PPAT: variants seen among roughly 807,000 people sequenced by gnomAD.
PPAT encodes phosphoribosyl pyrophosphate amidotransferase, also known as amidophosphoribosyltransferase.
PPAT carries 20 observed loss-of-function variants against 60.2 expected under a neutral mutation model. The ratio of observed to expected loss-of-function variants is 0.33; its 90% confidence interval spans 0.23 to 0.48. The LOEUF (loss-of-function observed/expected upper bound fraction) is 0.48, where lower values mean the gene tolerates loss of function less well. Ranked by LOEUF, PPAT falls within the 20% of genes least tolerant of loss-of-function variation. The pLI, the probability that PPAT is intolerant of heterozygous loss-of-function variation, is 0.99. For missense variants in PPAT, 349 were observed against 629.6 expected (o/e 0.55, Z 4.77); for synonymous variants, 194 against 215.1 (o/e 0.90, Z 0.86).
Position 56,435,612 on chromosome 4 carries a change from T to A in PPAT, c.-135A>T. 3.3e-6 allele frequency: 5 copies of A among 1,501,266 alleles called. No individual in the cohort carries two copies. Among genetic ancestry groups the A allele is most frequent in the Non-Finnish European group, 4.5e-6 (5 of 1,115,676 alleles). 93.0% of individuals were successfully genotyped at this position (1,501,266 alleles called of 1,614,324 possible). ...CTTCCTTCCCGAGGGTGGCCCCAGC[T>A]ACTGCGGCGGCGCGCGCTGTCCCTA... On this transcript the variant is annotated 5_prime_UTR_variant, in exon 1 of 11. Coordinates refer to ENST00000264220, the MANE Select transcript of PPAT (RefSeq NM_002703.5).
chr4:56,407,796 CA>C, intron 1 of PPAT, 80 bp from the exon 2 acceptor site: 1 of 1,104,378 alleles, frequency 9.1e-7, no homozygotes, highest in African/African-American at 1.5e-5. Context: ...CATACTTTCT[CA>C]ACAAGCATCC....
At chr4:56,411,690 T>C (rs1350469132) in intron 1 of PPAT, among the ~76,000 whole-genome samples, 2 of 152,198 alleles carry the variant, frequency 1.3e-5, no homozygotes, top group Non-Finnish European at 2.9e-5. Context: ...CCACTATCTG[T>C]GTGTACCATG....
At chr4:56,407,782 C>T in intron 1 of PPAT, 66 bp from the exon 2 acceptor site, 2 of 1,252,070 alleles carry the variant, frequency 1.6e-6, no homozygotes, top group Non-Finnish European at 2.3e-6. Flanking sequence ...AGAACTTTAT[C>T]AAGCATACTT....
chr4:56,430,138 A>C (rs13114104), intron 1 of PPAT, among the ~76,000 whole-genome samples: 104,141 of 151,972 alleles, frequency 0.69, 35,794 homozygotes, highest in South Asian at 0.76. Context: ...ATTACTTTTT[A>C]AAATCTATTT....
In PPAT at chr4:56,406,655, T is replaced by C; in HGVS notation, c.242A>G (p.Lys81Arg). 6.2e-7 allele frequency: 1 copy of C among 1,613,244 alleles called. No individual in the cohort carries two copies. The highest frequency in any genetic ancestry group is 8.5e-7 in the Non-Finnish European group (1 of 1,179,256). ...AATTCCAAGATTTGAAACATATAAT[T>C]TTTTCAAATTGTCTTCAGTAAAGAC... ...NHVFTEDNLK[K>R]LYVSNLGIGH... is the part of the protein sequence containing the mutation. Residue 81 changes from lysine to arginine, a missense_variant, in exon 3 of 11, where the codon AAA becomes AGA. Lys to Arg is a conservative substitution (Grantham distance 26). Around this residue, in one of 5 missense-constraint regions of PPAT, gnomAD observed 115 missense variants for 174.5 expected, o/e 0.66. Transcript: ENST00000264220.
At position 56,394,196 on chromosome 4, in the gene PPAT, G is replaced by T. The variant is rs1040063294; in HGVS notation, c.*1156C>A. On this transcript the variant is annotated 3_prime_UTR_variant, in exon 11 of 11. Coordinates refer to ENST00000264220, the MANE Select transcript of PPAT (RefSeq NM_002703.5). ...TTCAAAAAAGAAATCAAATTCATTA[G>T]ATCTTAATATAGTAGAAAAAAGTGA... 2.0e-5 allele frequency: 3 copies of T among 152,080 alleles called. No homozygotes were observed. 9.4% of individuals were successfully genotyped at this position (152,080 alleles called of 1,614,324 possible). A position where few individuals can be genotyped will look rare whatever the true frequency, so the allele number is the denominator to read the frequency against.
intron 1 of PPAT, chr4:56,410,542 G>C: frequency 1.0e-6 from 1 of 986,750 alleles, no homozygotes; most frequent in Non-Finnish European, 1.2e-6. Flanking sequence ...GAAAGCACTG[G>C]ACTGAGGAGG....
At position 56,395,150 on chromosome 4, in the gene PPAT, T is replaced by C; in HGVS notation, c.*202A>G. On this transcript the variant is annotated 3_prime_UTR_variant, in exon 11 of 11. Transcript: ENST00000264220. ...GTGTAAAAAAAAGAACACCACATATTGTTGTATTATATGCAATTGGAAATG... is the reference window on the plus strand; with the variant it reads ...GTGTAAAAAAAAGAACACCACATATCGTTGTATTATATGCAATTGGAAATG... 6.0e-6 allele frequency: 3 copies of C among 495,884 alleles called. No homozygotes were observed. Among genetic ancestry groups the C allele is most frequent in the Non-Finnish European group, 1.1e-5 (3 of 281,076 alleles). The allele number at this position is 495,884 out of a possible 1,614,324, so 30.7% of individuals were successfully genotyped here.
rs975059967 is a variant in PPAT at position 56,393,623 on chromosome 4, T to C, written c.*1729A>G. ...GGAGAAATATTAAGAATCTGTAGAA[T>C]TACTAAACTGTCACAGTATTATTTT... On this transcript the variant is annotated 3_prime_UTR_variant, in exon 11 of 11. Transcript: ENST00000264220. The C allele has an allele frequency of 3.3e-5, 5 of 152,630 alleles. No homozygotes were observed. The highest frequency in any genetic ancestry group is 5.9e-5 in the Non-Finnish European group (4 of 68,042). The allele number at this position is 152,630 out of a possible 1,614,324, so 9.5% of individuals were successfully genotyped here.
At chr4:56,419,154 T>C (rs114924036) in intron 1 of PPAT, among the ~76,000 whole-genome samples, 2,088 of 152,226 alleles carry the variant, frequency 0.014, 52 homozygotes, top group African/African-American at 0.047. Flanking sequence ...TAGACTGATA[T>C]ATAGCCAAAG....
intron 1 of PPAT, among the ~76,000 whole-genome samples, chr4:56,409,173 T>C (rs1716339942): frequency 1.3e-5 from 2 of 152,200 alleles, no homozygotes; most frequent in South Asian, 2.1e-4. Flanking sequence ...ATGATTACCA[T>C]GCCCATTTTA....
At chr4:56,425,705 TAGTCACC>T (rs1232126509) in intron 1 of PPAT, among the ~76,000 whole-genome samples, 1 of 151,928 alleles carries the variant, frequency 6.6e-6, no homozygotes, top group Non-Finnish European at 1.5e-5. Flanking sequence ...GGATAGGGGG[TAGTCACC>T]GAAAAAGACC....
chr4:56,418,627 C>A (rs755754798), intron 1 of PPAT, among the ~76,000 whole-genome samples: 1 of 152,116 alleles, frequency 6.6e-6, no homozygotes, highest in Non-Finnish European at 1.5e-5. Flanking sequence ...CCAAAAATTC[C>A]TTTCTTTAAT....
intron 9 of PPAT, among the ~76,000 whole-genome samples, chr4:56,398,011 C>T (rs1716021299): frequency 6.6e-6 from 1 of 151,814 alleles, no homozygotes. Context: ...CACTGCATTC[C>T]AACCAGGTGA....
chr4:56,402,958 A>G, intron 5 of PPAT, 82 bp downstream of exon 5: 1 of 1,320,454 alleles, frequency 7.6e-7, no homozygotes, highest in Non-Finnish European at 1.0e-6. Flanking sequence ...AACTTTCTAT[A>G]CCTAAAGATT....
At chr4:56,427,905 T>G (rs1014202641) in intron 1 of PPAT, among the ~76,000 whole-genome samples, 1 of 152,178 alleles carries the variant, frequency 6.6e-6, no homozygotes, top group Non-Finnish European at 1.5e-5. Context: ...TCCTTATACC[T>G]GAGTTGGTAG....
At chr4:56,430,880 A>G (rs1717549107) in intron 1 of PPAT, among the ~76,000 whole-genome samples, 1 of 151,998 alleles carries the variant, frequency 6.6e-6, no homozygotes, top group African/African-American at 2.4e-5. Flanking sequence ...GCTAGATTTC[A>G]GTTTGTATGT....
In PPAT at chr4:56,432,973, C is replaced by CAA. The variant is rs1553940508; in HGVS notation, c.128+2376_128+2377insTT. Among the ~76,000 whole-genome samples the CAA allele has an allele frequency of 2.4e-5, 3 of 127,512 alleles. No individual in the cohort carries two copies. The South Asian group carries it at 7.9e-4, about 33-fold the overall frequency. The allele number at this position is 127,512 out of a possible 152,430, so 83.7% of individuals were successfully genotyped here. ...CTTCTCAGAGTACGATATATATATACATATATACATACACACACGTATTTT... is the reference window on the plus strand; with the variant it reads ...CTTCTCAGAGTACGATATATATATACAAATATATACATACACACACGTATTTT... On this transcript the variant is annotated intron_variant, in intron 1 of 10. Coordinates refer to ENST00000264220, the MANE Select transcript of PPAT (RefSeq NM_002703.5).
intron 8 of PPAT, chr4:56,400,567 GTTTT>G: frequency 2.4e-6 from 1 of 412,024 alleles, no homozygotes; most frequent in Non-Finnish European, 4.3e-6. Context: ...TTTAGTGAAC[GTTTT>G]TTTCTTTTCA....
Sources: allele counts gnomAD v4.1 joint callset (sites outside exome capture counted in the v4.1 genomes callset), GRCh38; gene constraint gnomAD v4.1.1; regional missense constraint gnomAD v4.1.1; transcripts MANE v1.5; gene names NCBI Gene and HGNC (gene_info 2026-07-23, HGNC 2026-07-21).